NAV3: variants seen among roughly 807,000 people sequenced by gnomAD.
NAV3 encodes pore membrane and/or filament interacting like protein 1.
NAV3 carries 87 observed loss-of-function variants against 244.7 expected under a neutral mutation model. The ratio of observed to expected loss-of-function variants is 0.36; its 90% CI spans 0.30 to 0.42. The LOEUF is 0.42. Among genes scored for constraint, NAV3 ranks in the 20% least tolerant of loss-of-function variants. The pLI is 1.00. For missense variants in NAV3, 2,663 were observed against 2,893.3 expected (o/e 0.92, Z 1.83); for synonymous variants, 1,126 against 1,042.2 (o/e 1.08, Z -1.55).
chr12:78,166,697 A>T (rs1466277467), intron 23 of NAV3, among the ~76,000 whole-genome samples: 2 of 151,800 alleles, frequency 1.3e-5, no homozygotes, highest in African/African-American at 2.4e-5. Flanking sequence ...TGATATTCTG[A>T]AAAAGCAACA....
In NAV3 at chr12:77,656,250, A is replaced by G. The variant is rs936265707; in HGVS notation, c.72+83984A>G. ...GAGACACACATAGGCTCAAAATAAA[A>G]GGATGGAGGAAGATCTACCAAGCCA... On this transcript the variant is annotated intron_variant, in intron 2 of 8. Transcript: ENST00000550042. 1.2e-4 allele frequency among the ~76,000 whole-genome samples: 17 copies of G among 139,444 alleles called. 1 individual carries two copies. The highest frequency in any genetic ancestry group is 2.6e-4 in the Non-Finnish European group (17 of 66,386). 91.5% of individuals were successfully genotyped at this position (139,444 alleles called of 152,430 possible). A position where few individuals can be genotyped will look rare whatever the true frequency, so the allele number is the denominator to read the frequency against.
chr12:77,793,715 G>A (rs889125046), intron 2 of NAV3, among the ~76,000 whole-genome samples: 12 of 152,134 alleles, frequency 7.9e-5, no homozygotes, highest in African/African-American at 2.4e-4. Context: ...TCTTTATCCA[G>A]TCTATCATTG....
chr12:78,136,980 T>C (rs1301296183), intron 18 of NAV3, among the ~76,000 whole-genome samples, 197 bp from the exon 19 acceptor site: 3 of 152,148 alleles, frequency 2.0e-5, no homozygotes, highest in Non-Finnish European at 2.9e-5. Context: ...AGGCTTCCCA[T>C]AAACGTGCCA....
rs547214751 is a variant in NAV3 at position 77,619,187 on chromosome 12, C to T, written c.72+46921C>T. 1.1e-4 allele frequency among the ~76,000 whole-genome samples: 17 copies of T among 152,248 alleles called. No homozygotes were observed. In the South Asian group the frequency reaches 3.3e-3, roughly 30 times the overall value. On this transcript the variant is annotated intron_variant, in intron 2 of 8. Transcript: ENST00000550042. ...ACATTGGCATATTATCACTGCCAAC[C>T]GTGATTCTTTGTGCTTCTTCAGAAA...
intron 2 of NAV3, among the ~76,000 whole-genome samples, chr12:77,625,816 A>G (rs1871594549): frequency 6.6e-6 from 1 of 152,238 alleles, no homozygotes; most frequent in South Asian, 2.1e-4. Context: ...GTGAAATCCA[A>G]TCCTTAAAAT....
intron 2 of NAV3, among the ~76,000 whole-genome samples, chr12:77,645,580 C>T (rs1872578888): frequency 7.1e-6 from 1 of 140,134 alleles, no homozygotes; most frequent in Admixed American, 7.2e-5. Flanking sequence ...CTCTAATTTT[C>T]AGGTATTAGC....
chr12:78,025,957 C>T lies in NAV3; in HGVS notation c.2023+4095C>T, dbSNP rs1877981114. On this transcript the variant is annotated intron_variant, in intron 9 of 39. Coordinates refer to ENST00000397909, the MANE Select transcript of NAV3 (RefSeq NM_001024383.2). ...TAAACCTCTTTTCTTCATAAATCAC[C>T]CAGATAATCCTTTATAGCGTCACAA... Among the ~76,000 whole-genome samples, 3 of 152,248 alleles carry T rather than the reference C, an allele frequency of 2.0e-5. No individual in the cohort carries two copies. The South Asian group carries it at 6.2e-4, about 32-fold the overall frequency.
intron 2 of NAV3, among the ~76,000 whole-genome samples, chr12:77,724,377 A>T (rs1876782848): frequency 6.6e-6 from 1 of 152,018 alleles, no homozygotes; most frequent in Admixed American, 6.6e-5. Context: ...GAAACTTACA[A>T]ATTATCTTGC....
chr12:78,046,476 A>G lies in NAV3; in HGVS notation c.2024-3517A>G, dbSNP rs149088697. ...AAATAACTTATTGATTTCTGCCTTA[A>G]TTTCCTTATTTACCCCGTGGTCATT... On this transcript the variant is annotated intron_variant, in intron 9 of 39. Coordinates refer to ENST00000397909, the MANE Select transcript of NAV3 (RefSeq NM_001024383.2). Among the ~76,000 whole-genome samples the G allele has an allele frequency of 8.4e-3, 1,275 of 152,268 alleles. 9 individuals carry two copies. Among genetic ancestry groups the G allele is most frequent in the Non-Finnish European group, 0.012 (801 of 68,008 alleles).
At chr12:77,651,913 G>T (rs924728298) in intron 2 of NAV3, among the ~76,000 whole-genome samples, 33 of 152,064 alleles carry the variant, frequency 2.2e-4, no homozygotes, top group Admixed American at 1.7e-3. Flanking sequence ...GCTTGTGTTT[G>T]GTCAATTCTC....
intron 1 of NAV3, among the ~76,000 whole-genome samples, chr12:77,847,430 C>T (rs968901618): frequency 7.9e-5 from 12 of 152,244 alleles, no homozygotes; most frequent in Non-Finnish European, 1.5e-4. Flanking sequence ...GCACTAAACA[C>T]ATTTTCTTTA....
chr12:77,616,661 T>A (rs1432899313), intron 2 of NAV3, among the ~76,000 whole-genome samples: 4 of 151,968 alleles, frequency 2.6e-5, no homozygotes, highest in Non-Finnish European at 5.9e-5. Flanking sequence ...TAGATCTTCC[T>A]ACCTCCAAAG....
chr12:77,981,383 A>G (rs1037434721), intron 5 of NAV3, among the ~76,000 whole-genome samples: 3 of 152,152 alleles, frequency 2.0e-5, no homozygotes, highest in Non-Finnish European at 4.4e-5. Flanking sequence ...TCTTTATACT[A>G]AAGAAAGAAT....
chr12:77,715,968 A>G (rs923696476), intron 2 of NAV3, among the ~76,000 whole-genome samples: 2 of 152,014 alleles, frequency 1.3e-5, no homozygotes, highest in African/African-American at 2.4e-5. Context: ...TAGAGTTGGG[A>G]CCATTATCAA....
chr12:77,974,091 C>T (rs923039267), intron 5 of NAV3, among the ~76,000 whole-genome samples: 2 of 151,742 alleles, frequency 1.3e-5, no homozygotes, highest in Non-Finnish European at 1.5e-5. Flanking sequence ...ACTGGTGTTT[C>T]GGTTGTTATA....
chr12:77,890,155 T>G lies in NAV3; in HGVS notation c.244-50164T>G, dbSNP rs114108639. On this transcript the variant is annotated intron_variant, in intron 1 of 39. Transcript: ENST00000397909. The stretch of plus-strand genomic sequence containing the variant: ...AATTCAAATTGAATCAAGTCTCAGT[T>G]CTCAGTTGATCACTGCAAACTCCGC... Among the ~76,000 whole-genome samples the G allele has an allele frequency of 5.9e-3, 894 of 152,324 alleles. 9 individuals carry two copies. The highest frequency in any genetic ancestry group is 0.02 in the African/African-American group (835 of 41,582).
intron 9 of NAV3, among the ~76,000 whole-genome samples, chr12:78,024,524 G>A (rs1877682327): frequency 6.6e-6 from 1 of 152,118 alleles, no homozygotes; most frequent in South Asian, 2.1e-4. Flanking sequence ...ATGAACCACT[G>A]TCATCACATC....
At chr12:78,058,901 T>G in intron 11 of NAV3, 95 bp from the exon 12 acceptor site, 1 of 999,336 alleles carries the variant, frequency 1.0e-6, no homozygotes, top group Middle Eastern at 2.3e-4. Flanking sequence ...ATTTGAGTAA[T>G]TATTGAAAAT....
intron 22 of NAV3, among the ~76,000 whole-genome samples, chr12:78,155,288 C>G (rs1372755458): frequency 2.0e-5 from 3 of 152,056 alleles, no homozygotes; most frequent in African/African-American, 7.2e-5. Context: ...GTTTTCTCTT[C>G]CTGTGTTAGT....
Sources: gnomAD v4.1 joint callset for allele counts (sites outside exome capture counted in the v4.1 genomes callset) on GRCh38, gnomAD v4.1.1 for gene constraint, MANE v1.5 for transcripts, NCBI Gene and HGNC (gene_info 2026-07-23, HGNC 2026-07-21) for gene names.